The following GPR149 variants were observed in gnomAD, a reference collection of about 807,000 sequenced individuals.
GPR149 encodes the protein G protein-coupled receptor 149, also known as probable G protein-coupled receptor 149.
In GPR149, 50 loss-of-function variants were observed where a neutral mutation model predicts 50.2. The ratio of observed to expected loss-of-function variants is 1.00; its 90% CI spans 0.79 to 1.26. The LOEUF (loss-of-function observed/expected upper bound fraction) is 1.26, where lower values mean the gene tolerates loss of function less well. Among genes scored for constraint, GPR149 ranks in the 50% most tolerant of loss-of-function variants. The pLI is 0.00. For missense variants in GPR149, 983 were observed against 895.4 expected, an observed-to-expected ratio of 1.10 and a Z score of -1.25; for synonymous variants, 405 against 358.2, an observed-to-expected ratio of 1.13 and a Z score of -1.48.
chr3:154,341,573 C>A (rs1713800537), intron 3 of GPR149, among the ~76,000 whole-genome samples: 1 of 151,270 alleles, frequency 6.6e-6, no homozygotes, highest in South Asian at 2.1e-4. Context: ...GAAAAAACAG[C>A]AATAATAAAA....
intron 3 of GPR149, among the ~76,000 whole-genome samples, chr3:154,413,332 CAGTGA>C (rs1395163900): frequency 6.6e-6 from 1 of 151,754 alleles, no homozygotes; most frequent in Non-Finnish European, 1.5e-5. Context: ...AACTTCTGCA[CAGTGA>C]AGGAAATAAT....
intron 3 of GPR149, among the ~76,000 whole-genome samples, chr3:154,392,120 G>A (rs1715185836): frequency 6.6e-6 from 1 of 151,486 alleles, no homozygotes; most frequent in African/African-American, 2.4e-5. Flanking sequence ...AAATCAATAA[G>A]GAAACAGGAT....
At chr3:154,404,970 A>G (rs940722463) in intron 3 of GPR149, among the ~76,000 whole-genome samples, 6 of 152,194 alleles carry the variant, frequency 3.9e-5, no homozygotes, top group Non-Finnish European at 7.3e-5. Context: ...TTCCACTAAA[A>G]TCAGGAAGAA....
intron 3 of GPR149, among the ~76,000 whole-genome samples, chr3:154,374,088 C>T (rs773363179): frequency 4.5e-4 from 69 of 151,822 alleles, no homozygotes; most frequent in Admixed American, 7.2e-4. Flanking sequence ...ATGAGCTGTT[C>T]GAGAGCTCAA....
At position 154,352,014 on chromosome 3, in the gene GPR149, G is replaced by A. The variant is rs74534150; in HGVS notation, c.1624-13743C>T. On this transcript the variant is annotated intron_variant, in intron 3 of 3. Transcript: ENST00000389740. ...GTGAAACACTTTTTAAAAAAAATAC[G>A]ACCAACTTCTGTGCAAATAGCAGAC... The A allele has an allele frequency of 8.5e-3, 2,642 of 312,018 alleles. 64 individuals are homozygous for A. Among genetic ancestry groups the A allele is most frequent in the African/African-American group, 0.052 (2,398 of 45,994 alleles). 19.3% of individuals were successfully genotyped at this position (312,018 alleles called of 1,614,324 possible).
chr3:154,427,653 A>C lies in GPR149; in HGVS notation c.1037T>G (p.Phe346Cys). The change falls in exon 2 of 4, where the codon TTC becomes TGC. Residue 346 changes from phenylalanine to cysteine, a missense_variant. Phe to Cys is a radical substitution (Grantham distance 205). Transcript: ENST00000389740. ...VGFQSLPLET[F>C]SFLLTLLATT... ...GGCCAGCAGGGTAAGTAGAAAGCTG[A>C]ATGTCTCCAAGGGAAGGCTCTGAAA... The C allele has an allele frequency of 1.2e-6, 2 of 1,614,204 alleles. No individual in the cohort carries two copies. The highest frequency in any genetic ancestry group is 2.2e-5 in the South Asian group (2 of 91,080).
Position 154,399,207 on chromosome 3 carries a change from A to G in GPR149, c.1623+21832T>C, listed in dbSNP as rs565835109. Among the ~76,000 whole-genome samples the G allele has an allele frequency of 2.0e-5, 3 of 152,204 alleles. No homozygotes were observed. In the South Asian group the frequency reaches 6.2e-4, roughly 32 times the overall value. ...CTGGCTGGATTTATGATATTTTCCTATAGTAAGTACTTCTCCAGAGGTCAG... is the reference window on the plus strand; with the variant it reads ...CTGGCTGGATTTATGATATTTTCCTGTAGTAAGTACTTCTCCAGAGGTCAG... On this transcript the variant is annotated intron_variant, in intron 3 of 3. Transcript: ENST00000389740.
At chr3:154,377,069 A>G (rs912699830) in intron 3 of GPR149, among the ~76,000 whole-genome samples, 17 of 151,316 alleles carry the variant, frequency 1.1e-4, no homozygotes, top group Non-Finnish European at 1.9e-4. Context: ...AAAGAGGATA[A>G]CAAGCAATAA....
chr3:154,363,554 T>C (rs1234298036), intron 3 of GPR149, among the ~76,000 whole-genome samples: 1 of 151,582 alleles, frequency 6.6e-6, no homozygotes, highest in East Asian at 1.9e-4. Flanking sequence ...AGGATGTTAA[T>C]CCTGATAGTG....
intron 3 of GPR149, among the ~76,000 whole-genome samples, chr3:154,410,553 A>G (rs1005013836): frequency 6.6e-6 from 1 of 152,202 alleles, no homozygotes; most frequent in Non-Finnish European, 1.5e-5. Flanking sequence ...CTTACATCAG[A>G]CAAAGCAAAC....
intron 2 of GPR149, among the ~76,000 whole-genome samples, chr3:154,422,269 G>A (rs1009880296): frequency 4.0e-5 from 6 of 151,724 alleles, no homozygotes; most frequent in South Asian, 4.1e-4. Flanking sequence ...AGTTGGTGGA[G>A]TGATGCAAAA....
intron 3 of GPR149, among the ~76,000 whole-genome samples, chr3:154,357,665 A>G (rs548142631): frequency 6.6e-6 from 1 of 152,328 alleles, no homozygotes; most frequent in East Asian, 1.9e-4. Flanking sequence ...GATGTGGAGA[A>G]ATAGGAACAC....
chr3:154,356,661 A>G (rs1338850260), intron 3 of GPR149, among the ~76,000 whole-genome samples: 3 of 152,184 alleles, frequency 2.0e-5, no homozygotes, highest in African/African-American at 7.2e-5. Context: ...ACTACAAACC[A>G]CTGCTCAATG....
chr3:154,369,138 G>T lies in GPR149; in HGVS notation c.1624-30867C>A, dbSNP rs116104457. Among the ~76,000 whole-genome samples the T allele has an allele frequency of 2.2e-3, 331 of 152,278 alleles. 3 individuals carry two copies. The highest frequency in any genetic ancestry group is 0.01 in the Middle Eastern group (3 of 294). ...AGACGAGTCCCAAGACTAACCACGGGTGTGGGAATCCCTGTGTTTAAAATT... is the reference window on the plus strand; with the variant it reads ...AGACGAGTCCCAAGACTAACCACGGTTGTGGGAATCCCTGTGTTTAAAATT... On this transcript the variant is annotated intron_variant, in intron 3 of 3. Transcript: ENST00000389740.
chr3:154,420,871 T>A, intron 3 of GPR149, among the ~76,000 whole-genome samples, 168 bp downstream of exon 3: 1 of 152,048 alleles, frequency 6.6e-6, no homozygotes, highest in East Asian at 1.9e-4. Flanking sequence ...AATTAAAAAG[T>A]CCTTCAAAAG....
At chr3:154,359,730 C>T (rs1206347816) in intron 3 of GPR149, among the ~76,000 whole-genome samples, 3 of 152,190 alleles carry the variant, frequency 2.0e-5, no homozygotes, top group Admixed American at 1.3e-4. Flanking sequence ...GCTTTCTCCA[C>T]AATTCTAAAC....
chr3:154,417,010 A>G (rs569675822), intron 3 of GPR149, among the ~76,000 whole-genome samples: 163 of 152,044 alleles, frequency 1.1e-3, no homozygotes, highest in African/African-American at 3.8e-3. Flanking sequence ...TAATTTTATG[A>G]ACTTGGTATT....
intron 3 of GPR149, among the ~76,000 whole-genome samples, chr3:154,400,082 G>T (rs1029637718): frequency 1.3e-5 from 2 of 152,104 alleles, no homozygotes; most frequent in South Asian, 4.1e-4. Context: ...CGCCTCCCGG[G>T]TTCACGCCAT....
intron 3 of GPR149, among the ~76,000 whole-genome samples, chr3:154,380,241 A>T (rs1714889396): frequency 6.7e-6 from 1 of 149,538 alleles, no homozygotes. Flanking sequence ...GGCAAGTATC[A>T]ATGGTGTGCA....
Sources: gnomAD v4.1 joint callset for allele counts (sites outside exome capture counted in the v4.1 genomes callset) on GRCh38, gnomAD v4.1.1 for gene constraint, MANE v1.5 for transcripts, NCBI Gene and HGNC (gene_info 2026-07-23, HGNC 2026-07-21) for gene names.